PTPRD: variants seen among roughly 807,000 people sequenced by gnomAD.
The protein encoded by PTPRD is receptor-type tyrosine-protein phosphatase delta.
PTPRD carries 34 observed loss-of-function variants against 214.5 expected under a neutral mutation model. The observed-to-expected ratio is 0.16, with a 90% CI of 0.12 to 0.21. The LOEUF is 0.21. Ranked by LOEUF, PTPRD falls within the 10% of genes least tolerant of loss-of-function variation. The pLI is 1.00. For synonymous variants in PTPRD, 1,128 were observed against 845.7 expected (o/e 1.33, Z -5.79); for missense variants, 2,545 against 2,398.7 (o/e 1.06, Z -1.27).
At chr9:10,163,212 A>G (rs559712220) in intron 3 of PTPRD, among the ~76,000 whole-genome samples, 250 of 147,136 alleles carry the variant, frequency 1.7e-3, no homozygotes, top group African/African-American at 6.3e-3. Flanking sequence ...AATTGATCAA[A>G]TATATAAATT....
At chr9:9,750,876 G>T (rs936133100) in intron 6 of PTPRD, among the ~76,000 whole-genome samples, 12 of 151,970 alleles carry the variant, frequency 7.9e-5, no homozygotes, top group African/African-American at 2.9e-4. Flanking sequence ...TTCCATTTCT[G>T]TGTAGGACAT....
chr9:9,313,430 G>T (rs902121478), intron 9 of PTPRD, among the ~76,000 whole-genome samples: 2 of 152,120 alleles, frequency 1.3e-5, no homozygotes, highest in African/African-American at 2.4e-5. Flanking sequence ...AAGAATTAGC[G>T]TAAATAAGTG....
Position 10,367,935 on chromosome 9 carries a change from C to T in PTPRD, c.-599-26918G>A, listed in dbSNP as rs141633149. ...TTCACTTATTAGAGACAAAATATAT[C>T]AGCACATTGTTGGTGATCAATGAGT... On this transcript the variant is annotated intron_variant, in intron 2 of 45. Coordinates refer to ENST00000381196, the MANE Select transcript of PTPRD (RefSeq NM_002839.4). Among the ~76,000 whole-genome samples, 414 of 152,078 alleles carry T rather than the reference C, an allele frequency of 2.7e-3. 5 individuals are homozygous for T. The highest frequency in any genetic ancestry group is 2.9e-3 in the Admixed American group (45 of 15,274).
intron 9 of PTPRD, among the ~76,000 whole-genome samples, chr9:9,201,918 C>T (rs1040808136): frequency 2.0e-5 from 3 of 152,132 alleles, no homozygotes; most frequent in South Asian, 2.1e-4. Context: ...GTGATCATTA[C>T]CCTCAAGAAA....
chr9:8,651,993 A>G (rs2096822132), intron 12 of PTPRD, among the ~76,000 whole-genome samples: 2 of 152,224 alleles, frequency 1.3e-5, no homozygotes, highest in Non-Finnish European at 1.5e-5. Context: ...CCGATTATGC[A>G]CGCTTTTCTA....
At chr9:8,549,279 G>T (rs1331493571) in intron 14 of PTPRD, among the ~76,000 whole-genome samples, 1 of 152,180 alleles carries the variant, frequency 6.6e-6, no homozygotes, top group African/African-American at 2.4e-5. Context: ...GTAAGAGTCA[G>T]TGTCAAGTTT....
chr9:10,551,000 C>T (rs2061227817), intron 2 of PTPRD, among the ~76,000 whole-genome samples: 1 of 152,158 alleles, frequency 6.6e-6, no homozygotes, highest in Non-Finnish European at 1.5e-5. Context: ...ACCAGGTCTC[C>T]CTTAATAGCA....
In PTPRD at chr9:8,989,648, G is replaced by A. The variant is rs190955398; in HGVS notation, c.-104+29049C>T. 1.2e-4 allele frequency among the ~76,000 whole-genome samples: 19 copies of A among 152,012 alleles called. No individual in the cohort carries two copies. In the East Asian group the frequency reaches 3.5e-3, roughly 28 times the overall value. ...TCGGTTTTTTCATCTGTAAAATTAT[G>A]TGACTAAATCCCACCCTGATTTTAA... On this transcript the variant is annotated intron_variant, in intron 11 of 45. Transcript: ENST00000381196.
intron 5 of PTPRD, among the ~76,000 whole-genome samples, chr9:9,770,888 A>G (rs886144348): frequency 6.6e-6 from 1 of 152,160 alleles, no homozygotes; most frequent in African/African-American, 2.4e-5. Context: ...TTTTACAGTT[A>G]CTGTGCTTTA....
intron 11 of PTPRD, among the ~76,000 whole-genome samples, chr9:8,805,180 TA>T (rs1239517258): frequency 6.6e-6 from 1 of 152,200 alleles, no homozygotes; most frequent in African/African-American, 2.4e-5. Context: ...TTTGTGGGCC[TA>T]GCCCCACTTA....
At chr9:9,380,623 T>C (rs1359836054) in intron 9 of PTPRD, among the ~76,000 whole-genome samples, 2 of 152,184 alleles carry the variant, frequency 1.3e-5, no homozygotes, top group South Asian at 4.1e-4. Context: ...TCTTAGTAAA[T>C]GTTCCATGTG....
chr9:10,216,541 T>C (rs780385842), intron 3 of PTPRD, among the ~76,000 whole-genome samples: 4 of 152,100 alleles, frequency 2.6e-5, no homozygotes, highest in Middle Eastern at 3.4e-3. Context: ...TATTATTAAA[T>C]AGTATACACA....
chr9:9,716,663 T>C (rs1019916105), intron 7 of PTPRD, among the ~76,000 whole-genome samples: 1 of 152,214 alleles, frequency 6.6e-6, no homozygotes, highest in African/African-American at 2.4e-5. Context: ...TTTAGAGAAG[T>C]GTCTGTTCAT....
chr9:10,003,545 A>G (rs1470782511), intron 4 of PTPRD, among the ~76,000 whole-genome samples: 3 of 151,758 alleles, frequency 2.0e-5, no homozygotes, highest in Admixed American at 2.0e-4. Context: ...ACTAAAGAAG[A>G]GAAAGTGCTA....
chr9:9,016,540 T>G (rs1040888423), intron 11 of PTPRD, among the ~76,000 whole-genome samples: 8 of 152,150 alleles, frequency 5.3e-5, no homozygotes, highest in Non-Finnish European at 1.2e-4. Context: ...GGTCCTAGTT[T>G]TATTCCATTA....
At chr9:10,611,149 A>G (rs910677012) in intron 2 of PTPRD, among the ~76,000 whole-genome samples, 2 of 152,154 alleles carry the variant, frequency 1.3e-5, no homozygotes, top group African/African-American at 4.8e-5. Context: ...TATGTATTAT[A>G]CTGAGAAAGA....
At chr9:10,096,550 T>C (rs2098487156) in intron 3 of PTPRD, among the ~76,000 whole-genome samples, 1 of 151,988 alleles carries the variant, frequency 6.6e-6, no homozygotes, top group Non-Finnish European at 1.5e-5. Flanking sequence ...TTGAGAAGTG[T>C]CTGTTCATGT....
intron 11 of PTPRD, among the ~76,000 whole-genome samples, chr9:8,841,120 G>C (rs2097549087): frequency 6.6e-6 from 1 of 152,112 alleles, no homozygotes; most frequent in South Asian, 2.1e-4. Flanking sequence ...TACAACTCCT[G>C]CCCTATCATA....
chr9:8,389,547 G>C, intron 36 of PTPRD, 140 bp from the exon 37 acceptor site: 1 of 577,192 alleles, frequency 1.7e-6, no homozygotes, highest in Non-Finnish European at 2.8e-6. Context: ...CGGGTTTCAA[G>C]CAAGATTAAA....
Sources: gnomAD v4.1 joint callset for allele counts (sites outside exome capture counted in the v4.1 genomes callset) on GRCh38, gnomAD v4.1.1 for gene constraint, MANE v1.5 for transcripts, NCBI Gene and HGNC (gene_info 2026-07-23, HGNC 2026-07-21) for gene names.